LHFPL3: variants seen among roughly 807,000 people sequenced by gnomAD.
LHFPL3 encodes LHFPL tetraspan subfamily member 3.
LHFPL3 carries 5 observed loss-of-function variants against 19.3 expected under a neutral mutation model. The observed-to-expected ratio is 0.26, with a 90% CI of 0.14 to 0.54. The LOEUF (loss-of-function observed/expected upper bound fraction) is 0.54, where lower values mean the gene tolerates loss of function less well. LHFPL3 is among the 20% of genes least tolerant of loss of function. LHFPL3 has a pLI of 0.94. For missense variants in LHFPL3, 249 were observed against 307.4 expected (o/e 0.81, Z 1.42); for synonymous variants, 133 against 126.2 (o/e 1.05, Z -0.36).
intron 2 of LHFPL3, among the ~76,000 whole-genome samples, chr7:104,766,345 C>T (rs1406512043): frequency 1.3e-5 from 2 of 152,192 alleles, no homozygotes; most frequent in Non-Finnish European, 2.9e-5. Flanking sequence ...CTCTTACATC[C>T]TCTTAGAAAG....
intron 1 of LHFPL3, among the ~76,000 whole-genome samples, chr7:104,644,553 C>T (rs1791895963): frequency 6.6e-6 from 1 of 152,172 alleles, no homozygotes; most frequent in Admixed American, 6.5e-5. Flanking sequence ...GGAGCATTTT[C>T]TTCATAAAGT....
chr7:104,580,251 A>C (rs62487564), intron 1 of LHFPL3, among the ~76,000 whole-genome samples: 1 of 151,924 alleles, frequency 6.6e-6, no homozygotes, highest in Non-Finnish European at 1.5e-5. Context: ...TACTGTGACT[A>C]TTTGTAAAGG....
intron 2 of LHFPL3, among the ~76,000 whole-genome samples, chr7:104,803,293 G>GT (rs1384817812): frequency 6.6e-6 from 1 of 152,136 alleles, no homozygotes; most frequent in Non-Finnish European, 1.5e-5. Context: ...AAAGCCACAA[G>GT]TACCAGTTTC....
chr7:104,544,197 A>G (rs1178331068), intron 1 of LHFPL3, among the ~76,000 whole-genome samples: 1 of 152,126 alleles, frequency 6.6e-6, no homozygotes, highest in Non-Finnish European at 1.5e-5. Flanking sequence ...AAACCTCACT[A>G]ATAACTGGAT....
intron 1 of LHFPL3, among the ~76,000 whole-genome samples, chr7:104,687,356 A>T (rs992995927): frequency 6.6e-6 from 1 of 152,158 alleles, no homozygotes; most frequent in Admixed American, 6.5e-5. Context: ...AGCTTTCAGA[A>T]CTCAGTCTTT....
At chr7:104,832,488 C>T (rs1379940939) in intron 2 of LHFPL3, among the ~76,000 whole-genome samples, 3 of 151,766 alleles carry the variant, frequency 2.0e-5, no homozygotes, top group Admixed American at 6.6e-5. Flanking sequence ...TTTAACTTAG[C>T]AAATTGAGTC....
At chr7:104,567,004 A>G (rs541670523) in intron 1 of LHFPL3, among the ~76,000 whole-genome samples, 32 of 152,320 alleles carry the variant, frequency 2.1e-4, no homozygotes, top group African/African-American at 5.5e-4. Flanking sequence ...CTTGATGACT[A>G]TTGTAATTCT....
rs973944983 is a variant in LHFPL3, at chr7:104,829,983, C to G, written c.683-76204C>G. ...GTATTCCTATTTCTCCACATCCTCT[C>G]CAGCACCTGTTGTTTCCTGACTTTT... On this transcript the variant is annotated intron_variant, in intron 2 of 2. Coordinates refer to ENST00000424859, the MANE Select transcript of LHFPL3 (RefSeq NM_199000.3). 1.1e-4 allele frequency among the ~76,000 whole-genome samples: 17 copies of G among 152,084 alleles called. 1 individual carries two copies. The highest frequency in any genetic ancestry group is 4.1e-4 in the African/African-American group (17 of 41,352).
chr7:104,355,782 C>T (rs1453976989), intron 1 of LHFPL3, among the ~76,000 whole-genome samples: 1 of 152,198 alleles, frequency 6.6e-6, no homozygotes, highest in Non-Finnish European at 1.5e-5. Flanking sequence ...CCTGAAACTA[C>T]ATAGCGGCAA....
intron 1 of LHFPL3, among the ~76,000 whole-genome samples, chr7:104,391,050 A>G (rs1025456949): frequency 5.3e-5 from 8 of 151,996 alleles, no homozygotes; most frequent in South Asian, 2.1e-4. Flanking sequence ...TTTCTTGTAA[A>G]TTTGTTTGAG....
chr7:104,894,427 G>A (rs1448218972), intron 2 of LHFPL3, among the ~76,000 whole-genome samples: 1 of 152,116 alleles, frequency 6.6e-6, no homozygotes, highest in Non-Finnish European at 1.5e-5. Context: ...TCTGGGAGAT[G>A]TCCTTACCAG....
intron 2 of LHFPL3, among the ~76,000 whole-genome samples, chr7:104,765,818 T>G (rs4282494): frequency 0.31 from 47,769 of 152,062 alleles, 8,314 homozygotes; most frequent in East Asian, 0.72. Flanking sequence ...ACAGTTTATA[T>G]GCAATGCAGA....
intron 1 of LHFPL3, among the ~76,000 whole-genome samples, chr7:104,688,828 A>G (rs1482593221): frequency 6.6e-6 from 1 of 152,164 alleles, no homozygotes; most frequent in African/African-American, 2.4e-5. Context: ...TGAGTTTTCT[A>G]ATTTATATAA....
At chr7:104,551,116 T>TACAC (rs3049711) in intron 1 of LHFPL3, among the ~76,000 whole-genome samples, 36 of 150,270 alleles carry the variant, frequency 2.4e-4, no homozygotes, top group East Asian at 1.6e-3. Context: ...CATCCTTGTG[T>TACAC]ACACACACAC....
intron 1 of LHFPL3, among the ~76,000 whole-genome samples, chr7:104,561,083 A>G (rs536319194): frequency 6.6e-6 from 1 of 152,156 alleles, no homozygotes; most frequent in African/African-American, 2.4e-5. Flanking sequence ...ACATTTCCTG[A>G]GGAGAGCTTT....
intron 1 of LHFPL3, among the ~76,000 whole-genome samples, chr7:104,434,242 A>G (rs986287162): frequency 1.3e-5 from 2 of 152,266 alleles, no homozygotes; most frequent in African/African-American, 4.8e-5. Flanking sequence ...GAGCTAGGGC[A>G]TAAAAAAGGG....
intron 1 of LHFPL3, among the ~76,000 whole-genome samples, chr7:104,418,970 A>T (rs976916017): frequency 6.6e-6 from 1 of 152,242 alleles, no homozygotes; most frequent in Non-Finnish European, 1.5e-5. Context: ...CATTTTATTG[A>T]TAAGAAAACT....
intron 1 of LHFPL3, among the ~76,000 whole-genome samples, chr7:104,541,153 T>A (rs1562929537): frequency 8.2e-6 from 1 of 122,468 alleles, no homozygotes; most frequent in African/African-American, 2.7e-5. Context: ...CACACAACCC[T>A]GTGGCTAACT....
At chr7:104,812,568 A>ACTGGG (rs1441025856) in intron 2 of LHFPL3, among the ~76,000 whole-genome samples, 1 of 151,464 alleles carries the variant, frequency 6.6e-6, no homozygotes, top group Non-Finnish European at 1.5e-5. Flanking sequence ...GGAAGGCATA[A>ACTGGG]CTGGGCAGAT....
Sources: gnomAD v4.1 joint callset for allele counts (sites outside exome capture counted in the v4.1 genomes callset) on GRCh38, gnomAD v4.1.1 for gene constraint, MANE v1.5 for transcripts, NCBI Gene and HGNC (gene_info 2026-07-23, HGNC 2026-07-21) for gene names.